PHF24: variants seen among roughly 807,000 people sequenced by gnomAD.
PHF24 encodes the protein PHD finger protein 24.
In PHF24, 25 loss-of-function variants were observed where a neutral mutation model predicts 42.6. That is an observed-to-expected ratio of 0.59 (90% confidence interval 0.43 to 0.82). The LOEUF (loss-of-function observed/expected upper bound fraction) is 0.82, where lower values mean the gene tolerates loss of function less well. PHF24 is among the 40% of genes least tolerant of loss of function. The pLI is 0.00. For missense variants in PHF24, 470 were observed against 538.1 expected, an observed-to-expected ratio of 0.87 and a Z score of 1.25; for synonymous variants, 185 against 204.8, an observed-to-expected ratio of 0.90 and a Z score of 0.83.
the PHF24 span, among the ~76,000 whole-genome samples, chr9:34,765,276 A>C: frequency 6.6e-6 from 1 of 151,822 alleles, no homozygotes; most frequent in Non-Finnish European, 1.5e-5. Context: ...TGTCCCGTTG[A>C]TCTGTCTAAT....
the PHF24 span, among the ~76,000 whole-genome samples, chr9:34,691,457 G>A: frequency 1.3e-5 from 2 of 152,028 alleles, no homozygotes; most frequent in Admixed American, 1.3e-4. Flanking sequence ...CTCCTGCTCT[G>A]AGAACTTAAG....
chr9:34,945,516 C>CA, the PHF24 span, among the ~76,000 whole-genome samples: 2 of 152,158 alleles, frequency 1.3e-5, no homozygotes, highest in Non-Finnish European at 2.9e-5. Context: ...ATGTCCCTTC[C>CA]AAAACCCATG....
At chr9:34,792,440 G>A in the PHF24 span, among the ~76,000 whole-genome samples, 3 of 152,198 alleles carry the variant, frequency 2.0e-5, no homozygotes, top group Non-Finnish European at 4.4e-5. Flanking sequence ...GGAGGCTGAG[G>A]CGGGCAGATC....
At chr9:34,670,898 C>T in the PHF24 span, among the ~76,000 whole-genome samples, 2 of 152,164 alleles carry the variant, frequency 1.3e-5, no homozygotes, top group Admixed American at 6.5e-5. Context: ...TGAGAAGGTC[C>T]TCTCCCAGAT....
At chr9:34,828,518 T>G in the PHF24 span, among the ~76,000 whole-genome samples, 1 of 152,214 alleles carries the variant, frequency 6.6e-6, no homozygotes, top group African/African-American at 2.4e-5. Context: ...CAAACCTCCT[T>G]GAATACGTGA....
At chr9:34,682,746 C>T in the PHF24 span, among the ~76,000 whole-genome samples, 1 of 152,116 alleles carries the variant, frequency 6.6e-6, no homozygotes, top group Non-Finnish European at 1.5e-5. Context: ...GGACACATGA[C>T]CTAGGCTTTG....
the PHF24 span, among the ~76,000 whole-genome samples, chr9:34,774,242 A>G: frequency 1.3e-5 from 2 of 152,248 alleles, no homozygotes; most frequent in Non-Finnish European, 2.9e-5. Context: ...TAAAGATGTA[A>G]CTTAAACTTC....
At chr9:34,813,467 A>T in the PHF24 span, among the ~76,000 whole-genome samples, 1 of 152,158 alleles carries the variant, frequency 6.6e-6, no homozygotes, top group Non-Finnish European at 1.5e-5. Flanking sequence ...GTGGTCTCAT[A>T]GGCTGCAGTT....
the PHF24 span, among the ~76,000 whole-genome samples, chr9:34,778,361 C>T: frequency 6.6e-6 from 1 of 152,030 alleles, no homozygotes; most frequent in Non-Finnish European, 1.5e-5. Context: ...GAGATCCTGC[C>T]TCATGATGTC....
the PHF24 span, among the ~76,000 whole-genome samples, chr9:34,700,232 T>G: frequency 3.9e-5 from 6 of 152,212 alleles, no homozygotes; most frequent in African/African-American, 1.4e-4. Flanking sequence ...GGGGAGCTAT[T>G]GGAAGGTATT....
the PHF24 span, among the ~76,000 whole-genome samples, chr9:34,696,032 T>C: frequency 1.3e-5 from 2 of 152,122 alleles, no homozygotes; most frequent in Non-Finnish European, 2.9e-5. Flanking sequence ...GGATGAAATG[T>C]TGGAAGTCAA....
chr9:34,911,239 T>C, the PHF24 span, among the ~76,000 whole-genome samples: 7 of 151,746 alleles, frequency 4.6e-5, no homozygotes, highest in Non-Finnish European at 7.4e-5. Flanking sequence ...TATAGGGTTT[T>C]CTTTTCTTTT....
the PHF24 span, among the ~76,000 whole-genome samples, chr9:34,707,972 C>T: frequency 6.6e-6 from 1 of 152,114 alleles, no homozygotes; most frequent in Non-Finnish European, 1.5e-5. Context: ...CCTCATGATC[C>T]GCCTGCCTTG....
rs902145395 is a variant in PHF24, at chr9:34,976,453, C to A, written c.644-82C>A. 3.4e-6 allele frequency: 5 copies of A among 1,456,064 alleles called. No individual in the cohort carries two copies. In the African/African-American group the frequency reaches 5.6e-5, roughly 16 times the overall value. The allele number at this position is 1,456,064 out of a possible 1,614,324, so 90.2% of individuals were successfully genotyped here. A position where few individuals can be genotyped will look rare whatever the true frequency, so the allele number is the denominator to read the frequency against. ...TTAGCAAGAGCTGTGGGTTTGGGGG[C>A]CCCGAGGGTGCCCTGGAGGTGATGG... On this transcript the variant is annotated intron_variant, in intron 4 of 7. Transcript: ENST00000242315.
chr9:34,852,500 AGTCTTT>A, the PHF24 span, among the ~76,000 whole-genome samples: 11 of 152,332 alleles, frequency 7.2e-5, no homozygotes, highest in East Asian at 2.1e-3. Context: ...TGTCTGGGAA[AGTCTTT>A]ATCTCTCCTT....
chr9:34,669,379 C>T, the PHF24 span, among the ~76,000 whole-genome samples: 15 of 152,004 alleles, frequency 9.9e-5, no homozygotes, highest in African/African-American at 3.6e-4. Flanking sequence ...CCATTTTACT[C>T]ACTCATGGCA....
chr9:34,722,724 A>T, the PHF24 span, among the ~76,000 whole-genome samples: 1 of 152,202 alleles, frequency 6.6e-6, no homozygotes, highest in African/African-American at 2.4e-5. Context: ...TAGCCCCATT[A>T]AAATGATCAA....
chr9:34,890,366 G>A, the PHF24 span, among the ~76,000 whole-genome samples: 1 of 152,134 alleles, frequency 6.6e-6, no homozygotes, highest in Non-Finnish European at 1.5e-5. Context: ...CCTCACTTTT[G>A]CAAAGACCTG....
chr9:34,690,052 C>A, the PHF24 span: 1 of 1,607,484 alleles, frequency 6.2e-7, no homozygotes, highest in Non-Finnish European at 8.5e-7. Context: ...GAGAATGGAG[C>A]CCCAGAATCC....
Sources: allele counts gnomAD v4.1 joint callset (sites outside exome capture counted in the v4.1 genomes callset), GRCh38; gene constraint gnomAD v4.1.1; transcripts MANE v1.5; gene names NCBI Gene and HGNC (gene_info 2026-07-23, HGNC 2026-07-21).